The following ITPRID1 variants were observed in gnomAD, a reference collection of about 807,000 sequenced individuals.
The protein encoded by ITPRID1 is ITPR interacting domain containing 1.
A neutral mutation model predicts 95.4 loss-of-function variants in ITPRID1; 96 were observed. That is an observed-to-expected ratio of 1.01 (90% CI 0.85 to 1.19). ITPRID1 has a LOEUF of 1.19. Ranked by LOEUF, ITPRID1 falls within the 50% of genes most tolerant of loss-of-function variation. The pLI is 0.00. For missense variants in ITPRID1, 1,339 were observed against 1,252.9 expected, an observed-to-expected ratio of 1.07 and a Z score of -1.04; for synonymous variants, 510 against 453.6, an observed-to-expected ratio of 1.12 and a Z score of -1.58.
intron 10 of ITPRID1, among the ~76,000 whole-genome samples, chr7:31,634,294 T>G (rs577968983): frequency 6.6e-6 from 1 of 152,316 alleles, no homozygotes; most frequent in East Asian, 1.9e-4. Context: ...GTATTAACCA[T>G]GATTATTATT....
At chr7:31,595,963 G>T (rs1355105209) in intron 10 of ITPRID1, among the ~76,000 whole-genome samples, 1 of 151,530 alleles carries the variant, frequency 6.6e-6, no homozygotes, top group Non-Finnish European at 1.5e-5. Context: ...AAATTATAAA[G>T]GAATACTAGT....
intron 1 of ITPRID1, among the ~76,000 whole-genome samples, chr7:31,528,123 G>A: frequency 6.6e-6 from 1 of 152,168 alleles, no homozygotes; most frequent in East Asian, 1.9e-4. Context: ...TAGGAACTGT[G>A]TTTTGATAGG....
At chr7:31,530,879 T>C (rs577014978) in intron 1 of ITPRID1, among the ~76,000 whole-genome samples, 2 of 152,336 alleles carry the variant, frequency 1.3e-5, no homozygotes, top group South Asian at 2.1e-4. Flanking sequence ...ATTACGATAA[T>C]ATATAGGATC....
intron 5 of ITPRID1, among the ~76,000 whole-genome samples, chr7:31,566,189 G>A (rs1198545595): frequency 1.3e-5 from 2 of 152,174 alleles, no homozygotes; most frequent in Admixed American, 6.5e-5. Flanking sequence ...TTTTCTGGAT[G>A]ACTCGATTTT....
intron 1 of ITPRID1, chr7:31,529,514 C>A: frequency 2.2e-6 from 1 of 447,312 alleles, no homozygotes; most frequent in Non-Finnish European, 4.0e-6. Context: ...GTAACTCCTG[C>A]CATTCCTAAT....
chr7:31,650,231 A>G (rs1397128761), intron 12 of ITPRID1, among the ~76,000 whole-genome samples: 1 of 152,198 alleles, frequency 6.6e-6, no homozygotes, highest in Non-Finnish European at 1.5e-5. Context: ...GAAAGGGCCT[A>G]TGTCAGGTGT....
At chr7:31,597,523 T>C (rs983518459) in intron 10 of ITPRID1, among the ~76,000 whole-genome samples, 1 of 151,616 alleles carries the variant, frequency 6.6e-6, no homozygotes, top group African/African-American at 2.4e-5. Context: ...CAGATTCTTT[T>C]CACAACTTCA....
intron 12 of ITPRID1, among the ~76,000 whole-genome samples, chr7:31,646,559 A>G (rs1790486310): frequency 6.6e-6 from 1 of 152,196 alleles, no homozygotes; most frequent in South Asian, 2.1e-4. Flanking sequence ...CTCCAGGGTG[A>G]CCAAGTGTGG....
At position 31,519,620 on chromosome 7, in the gene ITPRID1, C is replaced by CCATATATATATATATATATATATA. The variant is rs1554279824; in HGVS notation, c.-98+5500_-98+5501insCATATATATATATATATATATATA. ...TCTCTCTCTCTCTCTCTCTCTCTCT[C>CCATATATATATATATATATATATA]TATATATATATATATATATATATAT... On this transcript the variant is annotated intron_variant, in intron 1 of 14. Transcript: ENST00000615280. Among the ~76,000 whole-genome samples the CCATATATATATATATATATATATA allele has an allele frequency of 8.8e-3, 222 of 25,256 alleles. 7 individuals are homozygous for CCATATATATATATATATATATATA. Among genetic ancestry groups the CCATATATATATATATATATATATA allele is most frequent in the Middle Eastern group, 0.023 (1 of 44 alleles). 16.6% of individuals were successfully genotyped at this position (25,256 alleles called of 152,430 possible).
chr7:31,623,520 T>C (rs962399109), intron 10 of ITPRID1, among the ~76,000 whole-genome samples: 1 of 151,688 alleles, frequency 6.6e-6, no homozygotes, highest in Admixed American at 6.6e-5. Flanking sequence ...ATTATCTCAA[T>C]AGATGCAGAA....
At chr7:31,612,456 G>A (rs1786916682) in intron 10 of ITPRID1, among the ~76,000 whole-genome samples, 1 of 151,988 alleles carries the variant, frequency 6.6e-6, no homozygotes, top group Non-Finnish European at 1.5e-5. Context: ...AAAATGATAT[G>A]ATAATATGAA....
chr7:31,610,501 T>C (rs1327940742), intron 10 of ITPRID1, among the ~76,000 whole-genome samples: 4 of 151,482 alleles, frequency 2.6e-5, no homozygotes, highest in African/African-American at 9.7e-5. Context: ...AAATCTTCTG[T>C]TTTGTTGTTG....
intron 1 of ITPRID1, among the ~76,000 whole-genome samples, chr7:31,544,588 T>C (rs539938327): frequency 6.6e-6 from 1 of 152,234 alleles, no homozygotes; most frequent in Non-Finnish European, 1.5e-5. Flanking sequence ...CGTTCTCCTT[T>C]AATATTTGAG....
In ITPRID1 at chr7:31,653,661, T is replaced by C. The variant is rs2128221773; in HGVS notation, c.*832T>C. On this transcript the variant is annotated 3_prime_UTR_variant, in exon 15 of 15. Coordinates refer to ENST00000615280, the MANE Select transcript of ITPRID1 (RefSeq NM_001257967.3). Reference sequence around the variant, plus strand: ...GTAGCTATCTCATTTAGAAATAAAATGGGAGGCAGATTGCCTGATGCAGCT... The same window carrying C: ...GTAGCTATCTCATTTAGAAATAAAACGGGAGGCAGATTGCCTGATGCAGCT... The C allele has an allele frequency of 6.6e-6, 1 of 152,338 alleles. No homozygotes were observed. The highest frequency in any genetic ancestry group is 2.4e-5 in the African/African-American group (1 of 41,584). The allele number at this position is 152,338 out of a possible 1,614,324, so 9.4% of individuals were successfully genotyped here.
At chr7:31,572,270 G>C (rs1785019707) in intron 7 of ITPRID1, 82 bp downstream of exon 7, 3 of 825,408 alleles carry the variant, frequency 3.6e-6, no homozygotes, top group Non-Finnish European at 3.9e-6. Flanking sequence ...ATAGGCACTT[G>C]TTGAATGAAT....
intron 12 of ITPRID1, among the ~76,000 whole-genome samples, chr7:31,648,300 G>A (rs1243006358): frequency 1.3e-5 from 2 of 151,988 alleles, no homozygotes; most frequent in Non-Finnish European, 2.9e-5. Context: ...TTTGGTATTT[G>A]GGTTATAATC....
intron 2 of ITPRID1, 103 bp downstream of exon 2, chr7:31,549,602 T>C (rs1305794964): frequency 1.1e-5 from 9 of 830,344 alleles, no homozygotes; most frequent in African/African-American, 1.8e-5. Context: ...ATCAGAAAAG[T>C]TTGAAAATTT....
chr7:31,577,454 G>A (rs907197938), intron 8 of ITPRID1, among the ~76,000 whole-genome samples: 3 of 152,272 alleles, frequency 2.0e-5, no homozygotes, highest in African/African-American at 4.8e-5. Flanking sequence ...GTAAGTGATG[G>A]TAGGAATACA....
intron 5 of ITPRID1, among the ~76,000 whole-genome samples, chr7:31,561,143 A>T (rs1355769800): frequency 2.0e-5 from 3 of 152,190 alleles, no homozygotes; most frequent in African/African-American, 7.2e-5. Context: ...ATGGGAGAAG[A>T]TTGTACAGTT....
Sources: allele counts gnomAD v4.1 joint callset (sites outside exome capture counted in the v4.1 genomes callset), GRCh38; gene constraint gnomAD v4.1.1; transcripts MANE v1.5; gene names NCBI Gene and HGNC (gene_info 2026-07-23, HGNC 2026-07-21).